The following SLC25A37 variants were observed in gnomAD, a reference collection of about 807,000 sequenced individuals.
SLC25A37 encodes the protein mitoferrin-1.
In SLC25A37, 17 loss-of-function variants were observed where a neutral mutation model predicts 31.0. The observed-to-expected ratio is 0.55, with a 90% CI of 0.38 to 0.82. The LOEUF is 0.82. Among genes scored for constraint, SLC25A37 ranks in the 40% least tolerant of loss-of-function variants. SLC25A37 has a pLI of 0.00. For synonymous variants in SLC25A37, 222 were observed against 193.0 expected, an observed-to-expected ratio of 1.15 and a Z score of -1.24; for missense variants, 404 against 465.8, an observed-to-expected ratio of 0.87 and a Z score of 1.22.
intron 1 of SLC25A37, among the ~76,000 whole-genome samples, chr8:23,554,210 T>C (rs970233032): frequency 1.3e-5 from 2 of 152,198 alleles, no homozygotes; most frequent in African/African-American, 4.8e-5. Flanking sequence ...CTAATATTGC[T>C]GTTTTTATTG....
chr8:23,567,205 C>T (rs1802687222), intron 2 of SLC25A37: 1 of 152,110 alleles, frequency 6.6e-6, no homozygotes, highest in African/African-American at 2.4e-5. Flanking sequence ...AATAACTTCT[C>T]CCCCTCTCTT....
At chr8:23,543,073 TA>T (rs1408440355) in intron 1 of SLC25A37, 1 of 124,926 alleles carries the variant, frequency 8.0e-6, no homozygotes, top group Non-Finnish European at 1.6e-5. Flanking sequence ...TAATTTTATT[TA>T]TTTTTTTTTT....
At chr8:23,553,659 G>A (rs1325941878) in intron 1 of SLC25A37, among the ~76,000 whole-genome samples, 4 of 152,142 alleles carry the variant, frequency 2.6e-5, no homozygotes, top group African/African-American at 4.8e-5. Flanking sequence ...CCAGGCTTTC[G>A]TCTGTCAAGA....
Position 23,571,807 on chromosome 8 carries a change from C to G in SLC25A37, c.969C>G (p.Phe323Leu), listed in dbSNP as rs769817012. 4 of 1,613,086 alleles carry G rather than the reference C, an allele frequency of 2.5e-6. No individual in the cohort carries two copies. The highest frequency in any genetic ancestry group is 3.4e-6 in the Non-Finnish European group (4 of 1,179,072). Reference sequence around the variant, plus strand: ...TTTCTTGGTCTGTCTATGAGTTCTTCAAGTACTTTCTCACCAAGCGCCAGC... The same window carrying G: ...TTTCTTGGTCTGTCTATGAGTTCTTGAAGTACTTTCTCACCAAGCGCCAGC... ...TAISWSVYEF[F>L]KYFLTKRQLE... The change falls in exon 4 of 4, where the codon TTC (phenylalanine) becomes TTG (leucine). Residue 323 changes from phenylalanine to leucine, a missense_variant. Around this residue, in one of 3 missense-constraint regions of SLC25A37, gnomAD observed 243 missense variants for 284.4 expected, o/e 0.85. Coordinates refer to ENST00000519973, the MANE Select transcript of SLC25A37 (RefSeq NM_016612.4).
At chr8:23,546,193 C>G (rs35318617) in intron 1 of SLC25A37, among the ~76,000 whole-genome samples, 41,985 of 151,382 alleles carry the variant, frequency 0.28, 6,630 homozygotes, top group African/African-American at 0.42. Flanking sequence ...CCCAGCTACT[C>G]AGGAGGCTGA....
chr8:23,554,866 C>T (rs1472769099), intron 1 of SLC25A37, among the ~76,000 whole-genome samples: 1 of 152,202 alleles, frequency 6.6e-6, no homozygotes. Flanking sequence ...CTCTCAGATA[C>T]TGGAGAGCCC....
chr8:23,538,401 A>C (rs1401949174), intron 1 of SLC25A37, among the ~76,000 whole-genome samples: 7 of 143,772 alleles, frequency 4.9e-5, no homozygotes, highest in Non-Finnish European at 9.3e-5. Context: ...AAAAAAAAAA[A>C]AAAAACCAGA....
chr8:23,554,046 T>C (rs4872153), intron 1 of SLC25A37, among the ~76,000 whole-genome samples: 70,532 of 151,470 alleles, frequency 0.47, 16,784 homozygotes, highest in African/African-American at 0.58. Context: ...TCCATCCCTT[T>C]GTGAGAGATA....
chr8:23,563,489 A>C (rs10503728), intron 1 of SLC25A37, among the ~76,000 whole-genome samples: 61,483 of 152,164 alleles, frequency 0.4, 12,642 homozygotes, highest in African/African-American at 0.45. Context: ...ACCTAGCCTA[A>C]TGTATCATCT....
At chr8:23,533,412 G>C (rs965866315) in intron 1 of SLC25A37, among the ~76,000 whole-genome samples, 2 of 152,208 alleles carry the variant, frequency 1.3e-5, no homozygotes, top group African/African-American at 4.8e-5. Context: ...GGGGATGTGC[G>C]TGTCACCTGG....
chr8:23,566,928 C>A, intron 2 of SLC25A37: 1 of 666,254 alleles, frequency 1.5e-6, no homozygotes, highest in Non-Finnish European at 1.9e-6. Flanking sequence ...GTCTGAGTCT[C>A]ATCTCTCTGC....
intron 1 of SLC25A37, among the ~76,000 whole-genome samples, chr8:23,542,144 C>T (rs567248021): frequency 8.5e-5 from 13 of 152,228 alleles, no homozygotes; most frequent in African/African-American, 3.1e-4. Context: ...GACAGTGATC[C>T]CATAGATTAT....
Position 23,573,700 on chromosome 8 carries a change from G to A in SLC25A37, c.*1845G>A. On this transcript the variant is annotated 3_prime_UTR_variant, in exon 4 of 4. Coordinates refer to ENST00000519973, the MANE Select transcript of SLC25A37 (RefSeq NM_016612.4). ...CAGTGGAGTTCCTTTTTCAGATCAGGGATGGGAAAGAGCCAAACTGGGTAC... is the reference window on the plus strand; with the variant it reads ...CAGTGGAGTTCCTTTTTCAGATCAGAGATGGGAAAGAGCCAAACTGGGTAC... 1 of 434,134 alleles carries A rather than the reference G, an allele frequency of 2.3e-6. No homozygotes were observed. Among genetic ancestry groups the A allele is most frequent in the South Asian group, 1.6e-5 (1 of 63,132 alleles). The allele number at this position is 434,134 out of a possible 1,614,324, so 26.9% of individuals were successfully genotyped here. A position where few individuals can be genotyped will look rare whatever the true frequency, so the allele number is the denominator to read the frequency against.
chr8:23,534,561 C>T (rs57178692), intron 1 of SLC25A37, among the ~76,000 whole-genome samples: 75 of 152,068 alleles, frequency 4.9e-4, no homozygotes, highest in Non-Finnish European at 6.0e-4. Flanking sequence ...CCCTCTTTAC[C>T]GAATGTTTCT....
At chr8:23,557,307 G>A (rs1802393712) in intron 1 of SLC25A37, among the ~76,000 whole-genome samples, 1 of 152,108 alleles carries the variant, frequency 6.6e-6, no homozygotes, top group African/African-American at 2.4e-5. Flanking sequence ...GTTTTGGACG[G>A]GTAGTGCCAA....
chr8:23,542,508 T>C lies in SLC25A37; in HGVS notation c.210+13296T>C, dbSNP rs1277312673. Among the ~76,000 whole-genome samples, 7 of 150,392 alleles carry C rather than the reference T, an allele frequency of 4.7e-5. 1 individual carries two copies. Among genetic ancestry groups the C allele is most frequent in the Middle Eastern group, 3.5e-3 (1 of 286 alleles). On this transcript the variant is annotated intron_variant, in intron 1 of 3. Transcript: ENST00000519973. ...ATTCTCCTGCCTCAGCTTCCCAGAG[T>C]AGCTGAGATTACAGGCATGCACCGC... is the stretch of plus-strand genomic sequence containing the variant.
In SLC25A37 at chr8:23,573,886, T is replaced by C. The variant is rs1283219436; in HGVS notation, c.*2031T>C. 6 of 456,436 alleles carry C rather than the reference T, an allele frequency of 1.3e-5. No homozygotes were observed. The highest frequency in any genetic ancestry group is 1.2e-4 in the African/African-American group (6 of 50,082). 28.3% of individuals were successfully genotyped at this position (456,436 alleles called of 1,614,324 possible). On this transcript the variant is annotated 3_prime_UTR_variant, in exon 4 of 4. Transcript: ENST00000519973. ...CATGGGGATGTAGAAAGCCGTAAAG[T>C]CCACGCTACTGTTGAAAATGTTTAC...
chr8:23,569,345 C>T (rs1248218503), intron 3 of SLC25A37, among the ~76,000 whole-genome samples: 2 of 152,024 alleles, frequency 1.3e-5, no homozygotes, highest in Non-Finnish European at 2.9e-5. Context: ...GGACCAGAAT[C>T]TGTTTATTGG....
At chr8:23,547,484 A>G (rs1802099242) in intron 1 of SLC25A37, among the ~76,000 whole-genome samples, 1 of 152,230 alleles carries the variant, frequency 6.6e-6, no homozygotes, top group Non-Finnish European at 1.5e-5. Context: ...ATAAAATGTC[A>G]AGATTGAACT....
Sources: gnomAD v4.1 joint callset for allele counts (sites outside exome capture counted in the v4.1 genomes callset) on GRCh38, gnomAD v4.1.1 for gene constraint, gnomAD v4.1.1 regional missense constraint, MANE v1.5 for transcripts, NCBI Gene and HGNC (gene_info 2026-07-23, HGNC 2026-07-21) for gene names.